STIM1: variants seen among roughly 807,000 people sequenced by gnomAD.
STIM1 encodes the protein stromal interaction molecule 1.
Under a neutral mutation model 74.7 loss-of-function variants are expected in STIM1, and 25 were observed. The observed-to-expected ratio is 0.33, with a 90% CI of 0.24 to 0.47. The LOEUF is 0.47. STIM1 is among the 20% of genes least tolerant of loss of function. The pLI, the probability that STIM1 is intolerant of heterozygous loss-of-function variation, is 1.00. For synonymous variants in STIM1, 328 were observed against 348.8 expected, an observed-to-expected ratio of 0.94 and a Z score of 0.66; for missense variants, 728 against 920.8, an observed-to-expected ratio of 0.79 and a Z score of 2.71.
intron 1 of STIM1, among the ~76,000 whole-genome samples, chr11:3,927,196 C>T (rs1237197658): frequency 6.6e-6 from 1 of 152,164 alleles, no homozygotes; most frequent in Non-Finnish European, 1.5e-5. Flanking sequence ...CTCATATTAA[C>T]CTTTATTTAT....
chr11:3,973,084 T>C, intron 2 of STIM1: 6 of 436,362 alleles, frequency 1.4e-5, no homozygotes, highest in South Asian at 1.0e-4. Context: ...TCCATAATCC[T>C]GCCTCCACTT....
chr11:3,945,399 A>G lies in STIM1; in HGVS notation c.140-22153A>G, dbSNP rs1164000816. 3.3e-5 allele frequency among the ~76,000 whole-genome samples: 5 copies of G among 152,172 alleles called. No individual in the cohort carries two copies. The East Asian group carries it at 9.7e-4, about 29-fold the overall frequency. On this transcript the variant is annotated intron_variant, in intron 1 of 12. Coordinates refer to ENST00000526596, the MANE Select transcript of STIM1 (RefSeq NM_001382567.1). ...TGAGATCAGCCTGGCCAACATGGTG[A>G]AACACAATCTTTACTAAAAATAAAA...
At chr11:3,927,745 T>C (rs1165699597) in intron 1 of STIM1, among the ~76,000 whole-genome samples, 1 of 152,216 alleles carries the variant, frequency 6.6e-6, no homozygotes, top group Non-Finnish European at 1.5e-5. Context: ...TGCTACTTAG[T>C]TTTAGGCGTT....
At chr11:4,037,709 ATATATG>A (rs2094115314) in intron 3 of STIM1, among the ~76,000 whole-genome samples, 1 of 152,090 alleles carries the variant, frequency 6.6e-6, no homozygotes, top group South Asian at 2.1e-4. Context: ...TCCTATATAT[ATATATG>A]TATATTTTGC....
chr11:3,964,927 G>A (rs767308589), intron 1 of STIM1, among the ~76,000 whole-genome samples: 2 of 152,084 alleles, frequency 1.3e-5, no homozygotes, highest in Non-Finnish European at 2.9e-5. Flanking sequence ...GTTTCACCAT[G>A]TTGCCCAGGC....
chr11:3,869,917 A>G (rs923053120), intron 1 of STIM1, among the ~76,000 whole-genome samples: 1 of 152,162 alleles, frequency 6.6e-6, no homozygotes, highest in Non-Finnish European at 1.5e-5. Flanking sequence ...AAGGGAAGGA[A>G]AGAAAGAAAA....
intron 1 of STIM1, among the ~76,000 whole-genome samples, chr11:3,918,882 A>G (rs2092684156): frequency 6.6e-6 from 1 of 152,234 alleles, no homozygotes; most frequent in Non-Finnish European, 1.5e-5. Flanking sequence ...TACATAATTA[A>G]GCCATTTTTG....
At chr11:3,914,860 T>C (rs2092620045) in intron 1 of STIM1, among the ~76,000 whole-genome samples, 1 of 152,214 alleles carries the variant, frequency 6.6e-6, no homozygotes, top group Non-Finnish European at 1.5e-5. Context: ...CATTTTACAT[T>C]CCCATCAGCA....
intron 1 of STIM1, chr11:3,947,829 T>C (rs1306806442): frequency 6.6e-6 from 1 of 152,216 alleles, no homozygotes; most frequent in East Asian, 1.9e-4. Context: ...AAGTCACTTA[T>C]TGTATCTGGG....
At chr11:4,090,865 G>A (rs2094520044) in intron 12 of STIM1, among the ~76,000 whole-genome samples, 1 of 152,172 alleles carries the variant, frequency 6.6e-6, no homozygotes, top group Middle Eastern at 3.2e-3. Flanking sequence ...AAAACCATTT[G>A]CCAGACAGAT....
At chr11:4,023,578 A>G (rs1365514366) in intron 2 of STIM1, among the ~76,000 whole-genome samples, 1 of 152,108 alleles carries the variant, frequency 6.6e-6, no homozygotes, top group East Asian at 1.9e-4. Flanking sequence ...TTCCTCTTTT[A>G]GCTTATTGAT....
intron 3 of STIM1, among the ~76,000 whole-genome samples, chr11:4,024,351 G>T (rs2093981943): frequency 6.6e-6 from 1 of 152,082 alleles, no homozygotes; most frequent in Admixed American, 6.6e-5. Context: ...TTCCCACTTA[G>T]TCCCAGCTCT....
Position 3,978,357 on chromosome 11 carries a change from A to C in STIM1, c.270+10675A>C, listed in dbSNP as rs567614757. On this transcript the variant is annotated intron_variant, in intron 2 of 12. Coordinates refer to ENST00000526596, the MANE Select transcript of STIM1 (RefSeq NM_001382567.1). ...GAGACGGGGTTTCTCCATGTTGGTC[A>C]GGCTGGTTTCAAACTTCTGACCTCA... is the stretch of plus-strand genomic sequence containing the variant. Among the ~76,000 whole-genome samples, 357 of 149,566 alleles carry C rather than the reference A, an allele frequency of 2.4e-3. 1 individual carries two copies. Among genetic ancestry groups the C allele is most frequent in the Non-Finnish European group, 4.4e-3 (294 of 67,316 alleles).
At chr11:4,057,455 C>T (rs1237613408) in intron 4 of STIM1, among the ~76,000 whole-genome samples, 1 of 152,196 alleles carries the variant, frequency 6.6e-6, no homozygotes, top group African/African-American at 2.4e-5. Context: ...AGGCCCATCA[C>T]TAGCTCACAT....
intron 12 of STIM1, among the ~76,000 whole-genome samples, chr11:4,089,844 C>T (rs758477574): frequency 1.6e-4 from 25 of 152,274 alleles, no homozygotes; most frequent in Middle Eastern, 3.4e-3. Flanking sequence ...GGCTAGCAGA[C>T]GTTTAAACAT....
intron 1 of STIM1, among the ~76,000 whole-genome samples, chr11:3,900,097 A>G (rs893145193): frequency 6.6e-5 from 10 of 152,148 alleles, no homozygotes; most frequent in African/African-American, 2.4e-4. Context: ...GAATGGTACC[A>G]GTTCCTCCTT....
chr11:4,038,302 T>C (rs1284500606), intron 3 of STIM1, among the ~76,000 whole-genome samples: 1 of 152,166 alleles, frequency 6.6e-6, no homozygotes, highest in Non-Finnish European at 1.5e-5. Flanking sequence ...CCCAAAGTAC[T>C]GGTGTTACAG....
chr11:3,948,496 A>G (rs145010827), intron 1 of STIM1, among the ~76,000 whole-genome samples: 3 of 152,282 alleles, frequency 2.0e-5, no homozygotes, highest in African/African-American at 4.8e-5. Context: ...ATACATTATT[A>G]TGCCGTATTT....
chr11:3,997,899 G>A (rs1182861150), intron 2 of STIM1, among the ~76,000 whole-genome samples: 1 of 152,214 alleles, frequency 6.6e-6, no homozygotes, highest in Non-Finnish European at 1.5e-5. Context: ...TTAGAGGTTA[G>A]TAGACTACAA....
Sources: gnomAD v4.1 joint callset for allele counts (sites outside exome capture counted in the v4.1 genomes callset) on GRCh38, gnomAD v4.1.1 for gene constraint, MANE v1.5 for transcripts, NCBI Gene and HGNC (gene_info 2026-07-23, HGNC 2026-07-21) for gene names.